The following MORC3 variants were observed in gnomAD, a reference collection of about 807,000 sequenced individuals.
MORC3 encodes the protein MORC family CW-type zinc finger protein 3.
MORC3 carries 31 observed loss-of-function variants against 109.1 expected under a neutral mutation model. The observed-to-expected ratio is 0.28, with a 90% confidence interval of 0.21 to 0.38. MORC3 has a LOEUF of 0.38. Ranked by LOEUF, MORC3 falls within the 10% of genes least tolerant of loss-of-function variation. The pLI is 1.00. For synonymous variants in MORC3, 395 were observed against 380.7 expected (o/e 1.04, Z -0.44); for missense variants, 867 against 1,135.8 (o/e 0.76, Z 3.40).
At chr21:36,357,492 C>T (rs994418348) in intron 10 of MORC3, among the ~76,000 whole-genome samples, 4 of 151,920 alleles carry the variant, frequency 2.6e-5, no homozygotes, top group Admixed American at 2.6e-4. Context: ...GTCCTGGGTC[C>T]AGGTGATCCT....
At chr21:36,320,676 G>T (rs942356705) in intron 1 of MORC3, 1 of 219,332 alleles carries the variant, frequency 4.6e-6, no homozygotes, top group Non-Finnish European at 8.9e-6. Flanking sequence ...GTCGTGGTGG[G>T]AGGGAGCGGG....
chr21:36,328,109 T>C (rs2085270667), intron 1 of MORC3, among the ~76,000 whole-genome samples: 2 of 152,062 alleles, frequency 1.3e-5, no homozygotes, highest in Non-Finnish European at 2.9e-5. Context: ...ACACCTGACG[T>C]CAAATGATCC....
At chr21:36,331,454 T>C (rs148751405) in intron 1 of MORC3, among the ~76,000 whole-genome samples, 3,759 of 151,832 alleles carry the variant, frequency 0.025, 66 homozygotes, top group Admixed American at 0.046. Context: ...AAAAATTAGC[T>C]GGGCATGGTG....
At chr21:36,335,344 C>T (rs1236090308) in intron 2 of MORC3, among the ~76,000 whole-genome samples, 5 of 137,814 alleles carry the variant, frequency 3.6e-5, no homozygotes, top group Non-Finnish European at 7.6e-5. Flanking sequence ...GAGGCAGAGT[C>T]TCGCTCTGTC....
Position 36,369,259 on chromosome 21 carries a change from C to T in MORC3, c.1891C>T (p.Arg631Ter), listed in dbSNP as rs2085820863. The change falls in exon 15 of 17, where the codon CGA becomes TGA. Residue 631 changes from arginine (R) to a stop codon, truncating the protein, a stop_gained. Coordinates refer to ENST00000400485, the MANE Select transcript of MORC3 (RefSeq NM_015358.3). LOFTEE classifies it high-confidence loss of function. ...TGGTTCAACAAGCACCTCATCATCC[C>T]GATGCGACCAGGGAAATACTGCAGC... is the stretch of plus-strand genomic sequence containing the variant. Reference protein sequence around the residue: ...QTGSTSTSSSRCDQGNTAATQ... With the variant: ...QTGSTSTSSS 1 of 1,614,094 alleles carries T rather than the reference C, an allele frequency of 6.2e-7. No homozygotes were observed.
chr21:36,369,390 T>C lies in MORC3; in HGVS notation c.2022T>C (p.Ala674=). Residue 674 remains alanine (A), a synonymous_variant, in exon 15 of 17, where the codon GCT becomes GCC. Transcript: ENST00000400485. ...TGATTCTGCCCTCCTGTGTAGAAGC[T>C]GAAGCAAAGATACATGAAACCCAGG... ...DAVILPSCVE[A]EAKIHETQET... The C allele has an allele frequency of 6.2e-7, 1 of 1,614,098 alleles. No homozygotes were observed. The highest frequency in any genetic ancestry group is 8.5e-7 in the Non-Finnish European group (1 of 1,180,016).
intron 5 of MORC3, 143 bp downstream of exon 5, chr21:36,339,064 C>T: frequency 1.0e-6 from 1 of 998,950 alleles, no homozygotes; most frequent in Non-Finnish European, 1.4e-6. Flanking sequence ...TTGTCTTTGC[C>T]CAGGATATGT....
intron 14 of MORC3, among the ~76,000 whole-genome samples, chr21:36,364,794 G>C (rs1053608310): frequency 9.9e-5 from 15 of 151,670 alleles, no homozygotes; most frequent in Admixed American, 9.2e-4. Context: ...GTTCACGCCT[G>C]TAATCCCAGC....
rs549229143 is a variant in MORC3, at chr21:36,375,589, A to C, written c.*293A>C. 5.4e-6 allele frequency: 1 copy of C among 186,104 alleles called. No homozygotes were observed. The highest frequency in any genetic ancestry group is 2.4e-5 in the African/African-American group (1 of 42,450). 11.5% of individuals were successfully genotyped at this position (186,104 alleles called of 1,614,324 possible). On this transcript the variant is annotated 3_prime_UTR_variant, in exon 17 of 17. Coordinates refer to ENST00000400485, the MANE Select transcript of MORC3 (RefSeq NM_015358.3). Reference sequence around the variant, plus strand: ...TTTTTTTATTGCCCTAGAGTACTCAAGTGTTTTTCACCAAGAGCTTTTCAG... The same window carrying C: ...TTTTTTTATTGCCCTAGAGTACTCACGTGTTTTTCACCAAGAGCTTTTCAG...
intron 14 of MORC3, among the ~76,000 whole-genome samples, chr21:36,364,849 C>G (rs1160855340): frequency 4.1e-5 from 6 of 145,910 alleles, no homozygotes; most frequent in African/African-American, 1.5e-4. Context: ...GTCAGGAGTT[C>G]GAGACCAGCC....
At chr21:36,345,112 T>G in intron 8 of MORC3, 81 bp downstream of exon 8, 2 of 1,347,062 alleles carry the variant, frequency 1.5e-6, no homozygotes, top group South Asian at 2.9e-5. Flanking sequence ...AGTCAAATGT[T>G]AAATAATTTT....
In MORC3 at chr21:36,359,357, T is replaced by A. The variant is rs182162496; in HGVS notation, c.1209-598T>A. 1.1e-3 allele frequency among the ~76,000 whole-genome samples: 160 copies of A among 152,066 alleles called. 1 individual carries two copies. The highest frequency in any genetic ancestry group is 3.4e-3 in the African/African-American group (141 of 41,508). On this transcript the variant is annotated intron_variant, in intron 10 of 16. Transcript: ENST00000400485. ...CACTATGTTGCCCAGGCTGGCCTCATACTCCTGTGCTCAAGCGATTCTCCA... is the reference window on the plus strand; with the variant it reads ...CACTATGTTGCCCAGGCTGGCCTCAAACTCCTGTGCTCAAGCGATTCTCCA...
chr21:36,353,755 A>ATTTTTTTTTTTTTTTTTTTT lies in MORC3; in HGVS notation c.1104-2862_1104-2843dup, dbSNP rs1202729285. On this transcript the variant is annotated intron_variant, in intron 9 of 16. Transcript: ENST00000400485. Reference sequence around the variant, plus strand: ...GCCACCAAGCCCGGCTAATTTTTGTATTTTTTTTTTTTTTTTTTTTTTAGT... The same window carrying ATTTTTTTTTTTTTTTTTTTT: ...GCCACCAAGCCCGGCTAATTTTTGTATTTTTTTTTTTTTTTTTTTTTTTTTTTTTTTTTTTTTTTTTTAGT... Among the ~76,000 whole-genome samples the ATTTTTTTTTTTTTTTTTTTT allele has an allele frequency of 8.3e-4, 59 of 70,994 alleles. 12 individuals carry two copies. The highest frequency in any genetic ancestry group is 4.9e-3 in the East Asian group (8 of 1,646). 46.6% of individuals were successfully genotyped at this position (70,994 alleles called of 152,430 possible).
At position 36,364,090 on chromosome 21, in the gene MORC3, C is replaced by T; in HGVS notation, c.1453-3C>T. ...TTAAGGTGATGATTTTTCCCTCCAA[C>T]AGATTAATGCTGAACTGTTGTTTCG... On this transcript the variant is annotated splice_region_variant and splice_polypyrimidine_tract_variant and intron_variant, in intron 13 of 16. Coordinates refer to ENST00000400485, the MANE Select transcript of MORC3 (RefSeq NM_015358.3). The T allele has an allele frequency of 1.9e-6, 3 of 1,610,090 alleles. No homozygotes were observed. Among genetic ancestry groups the T allele is most frequent in the Middle Eastern group, 1.7e-4 (1 of 6,044 alleles).
chr21:36,365,684 G>A (rs900357945), intron 14 of MORC3, among the ~76,000 whole-genome samples: 4 of 152,058 alleles, frequency 2.6e-5, no homozygotes, highest in African/African-American at 7.2e-5. Flanking sequence ...TGGTTCATGC[G>A]ATTCCCCCAC....
rs759743856 is a variant in MORC3 at position 36,333,730 on chromosome 21, G to C, written c.112+12G>C. The C allele has an allele frequency of 7.0e-6, 11 of 1,569,578 alleles. No individual in the cohort carries two copies. The highest frequency in any genetic ancestry group is 5.6e-5 in the South Asian group (5 of 89,018). On this transcript the variant is annotated intron_variant, in intron 2 of 16. Coordinates refer to ENST00000400485, the MANE Select transcript of MORC3 (RefSeq NM_015358.3). ...TGCTGAATTAATAGGTATGTAGTTT[G>C]ACATTTCATATACCATTTGTTGCTT... is the stretch of plus-strand genomic sequence containing the variant.
At chr21:36,327,748 G>A (rs188610368) in intron 1 of MORC3, among the ~76,000 whole-genome samples, 1 of 151,366 alleles carries the variant, frequency 6.6e-6, no homozygotes, top group African/African-American at 2.5e-5. Flanking sequence ...CCTTGATTTC[G>A]CTGAAGGTCA....
At chr21:36,344,330 A>C (rs903371995) in intron 6 of MORC3, among the ~76,000 whole-genome samples, 5 of 152,214 alleles carry the variant, frequency 3.3e-5, no homozygotes, top group African/African-American at 1.2e-4. Context: ...TCACTTAGTA[A>C]TAAATATATC....
intron 12 of MORC3, 43 bp downstream of exon 12, chr21:36,360,301 C>A: frequency 6.5e-7 from 1 of 1,539,576 alleles, no homozygotes; most frequent in South Asian, 1.1e-5. Flanking sequence ...ATGCCCAGAT[C>A]ATGAACAGTG....
Sources: gnomAD v4.1 joint callset for allele counts (sites outside exome capture counted in the v4.1 genomes callset) on GRCh38, gnomAD v4.1.1 for gene constraint, MANE v1.5 for transcripts, NCBI Gene and HGNC (gene_info 2026-07-23, HGNC 2026-07-21) for gene names.